GRID2: variants seen among roughly 807,000 people sequenced by gnomAD.
GRID2 encodes glutamate receptor ionotropic, delta-2.
GRID2 carries 33 observed loss-of-function variants against 114.8 expected under a neutral mutation model. That is an observed-to-expected ratio of 0.29 (90% CI 0.22 to 0.38). The LOEUF is 0.38. Ranked by LOEUF, GRID2 falls within the 10% of genes least tolerant of loss-of-function variation. GRID2 has a pLI of 1.00. For synonymous variants in GRID2, 505 were observed against 449.9 expected (o/e 1.12, Z -1.55); for missense variants, 1,184 against 1,257.7 (o/e 0.94, Z 0.89).
At chr4:92,921,926 C>T (rs759438817) in intron 2 of GRID2, among the ~76,000 whole-genome samples, 70 of 152,298 alleles carry the variant, frequency 4.6e-4, no homozygotes, top group Non-Finnish European at 8.8e-4. Context: ...TTTTGTATGG[C>T]TATGCCCTGC....
chr4:92,647,611 G>T (rs1005616010), intron 2 of GRID2, among the ~76,000 whole-genome samples: 7 of 149,398 alleles, frequency 4.7e-5, no homozygotes, highest in Admixed American at 2.7e-4. Context: ...CATATTTTCT[G>T]CAGAATAGTT....
chr4:93,803,286 C>T (rs1734967080), intron 1 of GRID2, among the ~76,000 whole-genome samples: 1 of 152,134 alleles, frequency 6.6e-6, no homozygotes, highest in Non-Finnish European at 1.5e-5. Context: ...TATATCATTT[C>T]AATATCATTT....
intron 1 of GRID2, among the ~76,000 whole-genome samples, chr4:92,408,369 G>A (rs1359445425): frequency 6.8e-6 from 1 of 147,046 alleles, no homozygotes; most frequent in African/African-American, 2.5e-5. Flanking sequence ...TTTGAATTTA[G>A]GCAATGTGAT....
intron 2 of GRID2, among the ~76,000 whole-genome samples, chr4:92,695,366 T>C (rs1301788311): frequency 1.3e-5 from 2 of 152,226 alleles, no homozygotes; most frequent in Admixed American, 6.5e-5. Context: ...TTCTTTCTTA[T>C]TGCAGTAAAA....
chr4:93,494,689 A>G (rs554958405), intron 12 of GRID2, among the ~76,000 whole-genome samples: 1 of 151,780 alleles, frequency 6.6e-6, no homozygotes, highest in African/African-American at 2.4e-5. Context: ...GACACAGTTC[A>G]GTTCTTAAAG....
chr4:93,467,436 G>A lies in GRID2; in HGVS notation c.1858+11462G>A, dbSNP rs145625522. On this transcript the variant is annotated intron_variant, in intron 11 of 15. Coordinates refer to ENST00000282020, the MANE Select transcript of GRID2 (RefSeq NM_001510.4). ...TATAAAGGTGATTCAAACTTTGTTGGCTTTTAAATTTTGAAATAGTATGAC... is the reference window on the plus strand; with the variant it reads ...TATAAAGGTGATTCAAACTTTGTTGACTTTTAAATTTTGAAATAGTATGAC... 4.4e-3 allele frequency among the ~76,000 whole-genome samples: 667 copies of A among 152,186 alleles called. 4 individuals carry two copies. Among genetic ancestry groups the A allele is most frequent in the African/African-American group, 0.015 (640 of 41,516 alleles).
chr4:92,704,523 T>G (rs116796720), intron 2 of GRID2, among the ~76,000 whole-genome samples: 4,672 of 152,294 alleles, frequency 0.031, 111 homozygotes, highest in Non-Finnish European at 0.045. Context: ...AGTCTATCCA[T>G]TATTTTACAT....
At chr4:92,802,226 C>G (rs1275983726) in intron 2 of GRID2, among the ~76,000 whole-genome samples, 2 of 151,816 alleles carry the variant, frequency 1.3e-5, no homozygotes, top group African/African-American at 4.8e-5. Flanking sequence ...CACTCACAGC[C>G]TTCTCCATTA....
intron 14 of GRID2, among the ~76,000 whole-genome samples, chr4:93,680,547 G>A (rs1296286354): frequency 4.0e-5 from 6 of 151,250 alleles, no homozygotes; most frequent in Admixed American, 1.3e-4. Context: ...CTGGCAAACC[G>A]AATCCAGCAG....
intron 1 of GRID2, among the ~76,000 whole-genome samples, chr4:92,353,730 AG>A (rs1486785482): frequency 6.6e-6 from 1 of 152,030 alleles, no homozygotes; most frequent in Non-Finnish European, 1.5e-5. Flanking sequence ...ACGCTTAACC[AG>A]ACTTGCACTG....
chr4:92,772,221 C>G (rs916736066), intron 2 of GRID2, among the ~76,000 whole-genome samples: 1 of 152,094 alleles, frequency 6.6e-6, no homozygotes, highest in Non-Finnish European at 1.5e-5. Context: ...TTCTTTCTAG[C>G]CTTTACTATG....
chr4:93,592,655 G>T (rs1220352532), intron 13 of GRID2, among the ~76,000 whole-genome samples: 3 of 151,948 alleles, frequency 2.0e-5, no homozygotes, highest in Admixed American at 1.3e-4. Context: ...TTGACAGTGG[G>T]GTGTTAAAGT....
At position 93,028,606 on chromosome 4, in the gene GRID2, G is replaced by A. The variant is rs147691250; in HGVS notation, c.245-56389G>A. On this transcript the variant is annotated intron_variant, in intron 2 of 15. Transcript: ENST00000282020. ...AATCTTTTTTTTTATATATACGTAC[G>A]ACATTTTGATATGTGTATACAATTT... Among the ~76,000 whole-genome samples the A allele has an allele frequency of 1.8e-3, 273 of 151,934 alleles. 6 individuals are homozygous for A. Among genetic ancestry groups the A allele is most frequent in the East Asian group, 2.1e-3 (11 of 5,148 alleles).
intron 13 of GRID2, among the ~76,000 whole-genome samples, chr4:93,557,211 A>G (rs539760657): frequency 6.6e-6 from 1 of 152,330 alleles, no homozygotes; most frequent in Non-Finnish European, 1.5e-5. Context: ...AGCTAGCATC[A>G]TAATGACAGG....
intron 2 of GRID2, among the ~76,000 whole-genome samples, chr4:92,765,150 T>G (rs1024925630): frequency 6.6e-6 from 1 of 152,182 alleles, no homozygotes; most frequent in African/African-American, 2.4e-5. Context: ...GCTCACACTT[T>G]CAATTTTATA....
rs201411256 is a variant in GRID2, at chr4:92,612,070, AT to A, written c.244+21792del. 6.5e-4 allele frequency among the ~76,000 whole-genome samples: 98 copies of A among 151,030 alleles called. 1 individual carries two copies. The East Asian group carries it at 0.017, about 26-fold the overall frequency. On this transcript the variant is annotated intron_variant, in intron 2 of 15. Transcript: ENST00000282020. The stretch of plus-strand genomic sequence containing the variant: ...AAGAATATATTCCAAGGTCATTAAG[AT>A]TTTTTTTCATGTCTTCTAGAAAATG...
intron 2 of GRID2, among the ~76,000 whole-genome samples, chr4:92,731,618 G>A (rs968437939): frequency 6.6e-6 from 1 of 151,868 alleles, no homozygotes; most frequent in Non-Finnish European, 1.5e-5. Flanking sequence ...AGTAATCTAT[G>A]ATATTTTATC....
At chr4:93,602,725 C>A (rs1208749501) in intron 13 of GRID2, among the ~76,000 whole-genome samples, 1 of 152,052 alleles carries the variant, frequency 6.6e-6, no homozygotes. Context: ...TGAAATTAGG[C>A]CAATTAATAA....
chr4:93,470,374 A>G (rs902822387), intron 11 of GRID2, among the ~76,000 whole-genome samples: 8 of 152,156 alleles, frequency 5.3e-5, no homozygotes, highest in African/African-American at 1.9e-4. Context: ...TTAGAAAATG[A>G]ACAGTAATTG....
Sources: allele counts gnomAD v4.1 joint callset (sites outside exome capture counted in the v4.1 genomes callset), GRCh38; gene constraint gnomAD v4.1.1; transcripts MANE v1.5; gene names NCBI Gene and HGNC (gene_info 2026-07-23, HGNC 2026-07-21).